STK33: variants seen among roughly 807,000 people sequenced by gnomAD.
The protein encoded by STK33 is serine/threonine-protein kinase 33.
In STK33, 52 loss-of-function variants were observed where a neutral mutation model predicts 58.0. That is an observed-to-expected ratio of 0.90 (90% CI 0.72 to 1.13). STK33 has a LOEUF of 1.13. Among genes scored for constraint, STK33 ranks in the 50% most tolerant of loss-of-function variants. The pLI is 0.00. For synonymous variants in STK33, 215 were observed against 200.1 expected (o/e 1.07, Z -0.63); for missense variants, 630 against 604.2 (o/e 1.04, Z -0.45).
chr11:8,514,912 A>G (rs1429337382), intron 1 of STK33, among the ~76,000 whole-genome samples: 1 of 152,226 alleles, frequency 6.6e-6, no homozygotes, highest in African/African-American at 2.4e-5. Flanking sequence ...GACTCTAACT[A>G]TCAAAGAAAT....
intron 14 of STK33, among the ~76,000 whole-genome samples, chr11:8,418,493 G>C (rs1941448929): frequency 6.6e-6 from 1 of 152,064 alleles, no homozygotes; most frequent in Non-Finnish European, 1.5e-5. Context: ...GTCATTTATA[G>C]GCATTTAGAC....
intron 14 of STK33, among the ~76,000 whole-genome samples, chr11:8,431,355 T>A (rs1943405859): frequency 6.6e-6 from 1 of 152,272 alleles, no homozygotes; most frequent in African/African-American, 2.4e-5. Flanking sequence ...TCCATCCTCT[T>A]ATATAGAGTA....
chr11:8,366,475 C>T, the STK33 span, among the ~76,000 whole-genome samples: 8,775 of 152,168 alleles, frequency 0.058, 284 homozygotes, highest in Non-Finnish European at 0.072. Context: ...AGAGCACAGA[C>T]GGGGTCGGGG....
intron 15 of STK33, among the ~76,000 whole-genome samples, chr11:8,401,134 G>T (rs1010496218): frequency 7.2e-5 from 11 of 151,966 alleles, no homozygotes; most frequent in Non-Finnish European, 2.9e-5. Context: ...AGTTAATATG[G>T]AACCAAAAAA....
chr11:8,377,198 A>G, the STK33 span, among the ~76,000 whole-genome samples: 1 of 152,254 alleles, frequency 6.6e-6, no homozygotes, highest in East Asian at 1.9e-4. Context: ...GAGAGTGACC[A>G]GTAGATACCC....
At position 8,564,250 on chromosome 11, in the gene STK33, A is replaced by C. The variant is rs139187654; in HGVS notation, c.-466+29833T>G. ...AGGGAATTTAGGAAATTCCCATCAA[A>C]TGGCTTCCTTCTCTATGAAATAGCA... is the stretch of plus-strand genomic sequence containing the variant. On this transcript the variant is annotated intron_variant, in intron 1 of 15. Transcript: ENST00000687296. Among the ~76,000 whole-genome samples the C allele has an allele frequency of 4.0e-3, 602 of 152,328 alleles. 1 individual carries two copies. The highest frequency in any genetic ancestry group is 7.4e-3 in the Non-Finnish European group (501 of 68,030).
chr11:8,468,656 G>T (rs1487217841), intron 6 of STK33, among the ~76,000 whole-genome samples: 3 of 150,114 alleles, frequency 2.0e-5, no homozygotes, highest in African/African-American at 7.4e-5. Flanking sequence ...TGTTTCTTTT[G>T]TATCTCTTAA....
Position 8,436,251 on chromosome 11 carries a change from G to T in STK33, c.948-112C>A. 3.9e-6 allele frequency: 2 copies of T among 518,198 alleles called. 1 individual carries two copies. The highest frequency in any genetic ancestry group is 6.6e-6 in the Non-Finnish European group (2 of 304,522). 32.1% of individuals were successfully genotyped at this position (518,198 alleles called of 1,614,324 possible). A position where few individuals can be genotyped will look rare whatever the true frequency, so the allele number is the denominator to read the frequency against. On this transcript the variant is annotated intron_variant, in intron 12 of 15. Transcript: ENST00000687296. ...AGTGTTGCTTCATATTTAAGGAAAGGATGGGAAGAGATGGGTACCTCCCTG... is the reference window on the plus strand; with the variant it reads ...AGTGTTGCTTCATATTTAAGGAAAGTATGGGAAGAGATGGGTACCTCCCTG...
intron 1 of STK33, among the ~76,000 whole-genome samples, chr11:8,523,093 G>A (rs531052791): frequency 1.3e-4 from 20 of 152,330 alleles, no homozygotes; most frequent in South Asian, 8.3e-4. Flanking sequence ...CTCACTCAGT[G>A]CTCAATGTTG....
chr11:8,566,707 C>T (rs1322976330), intron 1 of STK33, among the ~76,000 whole-genome samples: 1 of 152,130 alleles, frequency 6.6e-6, no homozygotes, highest in Non-Finnish European at 1.5e-5. Context: ...CAAGTCTCTT[C>T]CACAGCATAC....
In STK33 at chr11:8,500,478, T is replaced by C. The variant is rs1951431557; in HGVS notation, c.-465-19864A>G. 2.6e-5 allele frequency among the ~76,000 whole-genome samples: 4 copies of C among 152,084 alleles called. 1 individual carries two copies. In the South Asian group the frequency reaches 8.3e-4, roughly 32 times the overall value. ...AAATGAAGTAAACAATTCAATCCAATAGTATAAAAAGAATAAATTAACAGA... is the reference window on the plus strand; with the variant it reads ...AAATGAAGTAAACAATTCAATCCAACAGTATAAAAAGAATAAATTAACAGA... On this transcript the variant is annotated intron_variant, in intron 1 of 15. Coordinates refer to ENST00000687296, the MANE Select transcript of STK33 (RefSeq NM_001352389.2).
At chr11:8,441,703 A>G (rs1194702004) in intron 11 of STK33, among the ~76,000 whole-genome samples, 1 of 152,118 alleles carries the variant, frequency 6.6e-6, no homozygotes, top group Non-Finnish European at 1.5e-5. Flanking sequence ...GAACATGTCT[A>G]TTGTACCTCT....
At chr11:8,346,606 G>A in the STK33 span, among the ~76,000 whole-genome samples, 11 of 152,210 alleles carry the variant, frequency 7.2e-5, no homozygotes, top group African/African-American at 1.4e-4. Context: ...TGAGGCTCCC[G>A]CATGACACTG....
intron 14 of STK33, among the ~76,000 whole-genome samples, chr11:8,421,775 G>A (rs1267151631): frequency 6.6e-6 from 1 of 151,962 alleles, no homozygotes; most frequent in Non-Finnish European, 1.5e-5. Context: ...CCCCAAGGAG[G>A]TCTTATAAAT....
intron 1 of STK33, among the ~76,000 whole-genome samples, chr11:8,527,307 T>C (rs1954129507): frequency 6.6e-6 from 1 of 152,126 alleles, no homozygotes; most frequent in Non-Finnish European, 1.5e-5. Flanking sequence ...AAGAAAGCTA[T>C]ACAAACTGGC....
rs567581797 is a variant in STK33 at position 8,497,351 on chromosome 11, G to A, written c.-465-16737C>T. 5.9e-5 allele frequency among the ~76,000 whole-genome samples: 9 copies of A among 152,314 alleles called. No individual in the cohort carries two copies. In the South Asian group the frequency reaches 1.7e-3, roughly 28 times the overall value. ...AATCAAAGAGAACCTTGAAAGCAGTGAGAGAGAAGCAACTTATCACATACA... is the reference window on the plus strand; with the variant it reads ...AATCAAAGAGAACCTTGAAAGCAGTAAGAGAGAAGCAACTTATCACATACA... On this transcript the variant is annotated intron_variant, in intron 1 of 15. Coordinates refer to ENST00000687296, the MANE Select transcript of STK33 (RefSeq NM_001352389.2).
chr11:8,506,518 A>G (rs1478624719), intron 1 of STK33, among the ~76,000 whole-genome samples: 1 of 152,122 alleles, frequency 6.6e-6, no homozygotes, highest in East Asian at 1.9e-4. Flanking sequence ...AGGCTTTAGG[A>G]GAGAATCTGT....
At chr11:8,351,773 T>C in the STK33 span, among the ~76,000 whole-genome samples, 2 of 152,174 alleles carry the variant, frequency 1.3e-5, no homozygotes, top group African/African-American at 2.4e-5. Flanking sequence ...GCCTGGTCCA[T>C]TCCACCTCGG....
intron 1 of STK33, among the ~76,000 whole-genome samples, chr11:8,492,015 G>A (rs1950655932): frequency 6.6e-6 from 1 of 152,152 alleles, no homozygotes; most frequent in Non-Finnish European, 1.5e-5. Context: ...GACCATCAAT[G>A]CTAGGAAGAA....
Sources: gnomAD v4.1 joint callset for allele counts (sites outside exome capture counted in the v4.1 genomes callset) on GRCh38, gnomAD v4.1.1 for gene constraint, MANE v1.5 for transcripts, NCBI Gene and HGNC (gene_info 2026-07-23, HGNC 2026-07-21) for gene names.